The following SLMAP variants were observed in gnomAD, a reference collection of about 807,000 sequenced individuals.
The protein encoded by SLMAP is sarcolemma associated protein.
A neutral mutation model predicts 128.8 loss-of-function variants in SLMAP; 44 were observed. The observed-to-expected ratio is 0.34, with a 90% CI of 0.27 to 0.44. SLMAP has a LOEUF of 0.44. SLMAP is among the 20% of genes least tolerant of loss of function. SLMAP has a pLI of 1.00. For synonymous variants in SLMAP, 327 were observed against 348.8 expected (o/e 0.94, Z 0.70); for missense variants, 787 against 985.3 (o/e 0.80, Z 2.69).
At chr3:57,796,296 T>C (rs2086717940) in intron 2 of SLMAP, among the ~76,000 whole-genome samples, 1 of 152,232 alleles carries the variant, frequency 6.6e-6, no homozygotes, top group Non-Finnish European at 1.5e-5. Context: ...TAAAAGTCCC[T>C]CAGCTGTTTT....
At chr3:57,767,863 G>C (rs377005937) in intron 2 of SLMAP, among the ~76,000 whole-genome samples, 46 of 152,240 alleles carry the variant, frequency 3.0e-4, no homozygotes, top group African/African-American at 1.1e-3. Flanking sequence ...TTGCTCTCTT[G>C]AAAGGTAATC....
chr3:57,851,972 G>A (rs993659300), intron 6 of SLMAP, among the ~76,000 whole-genome samples: 5 of 151,906 alleles, frequency 3.3e-5, no homozygotes, highest in South Asian at 2.1e-4. Flanking sequence ...GTGCGGTGGC[G>A]TGATCTTGGC....
At chr3:57,795,398 G>T (rs1041173019) in intron 2 of SLMAP, among the ~76,000 whole-genome samples, 3 of 152,118 alleles carry the variant, frequency 2.0e-5, no homozygotes, top group Admixed American at 2.0e-4. Flanking sequence ...GATTAACTGG[G>T]CATGGTGGCG....
chr3:57,890,582 G>A (rs1047611262), intron 15 of SLMAP: 1 of 152,672 alleles, frequency 6.5e-6, no homozygotes, highest in African/African-American at 2.4e-5. Context: ...AATGACTTTT[G>A]TGAATGTAGA....
At chr3:57,915,631 T>C (rs1054989021) in intron 21 of SLMAP, among the ~76,000 whole-genome samples, 2 of 152,122 alleles carry the variant, frequency 1.3e-5, no homozygotes, top group Non-Finnish European at 2.9e-5. Flanking sequence ...CCATAGTGAG[T>C]CTGAGTCTTG....
At chr3:57,923,152 A>G in intron 23 of SLMAP, 129 bp downstream of exon 23, 1 of 861,624 alleles carries the variant, frequency 1.2e-6, no homozygotes, top group Non-Finnish European at 1.8e-6. Context: ...TCATTATGAA[A>G]TTCCATGATA....
intron 2 of SLMAP, among the ~76,000 whole-genome samples, chr3:57,774,780 T>A (rs1190491334): frequency 6.6e-6 from 1 of 152,012 alleles, no homozygotes; most frequent in Non-Finnish European, 1.5e-5. Flanking sequence ...CGCCTCAGCC[T>A]CCCAAAATGC....
At chr3:57,916,883 A>T in intron 21 of SLMAP, 23 bp from the exon 22 acceptor site, 1 of 1,599,944 alleles carries the variant, frequency 6.3e-7, no homozygotes, top group East Asian at 2.2e-5. Context: ...GTGAATAACT[A>T]TCTGTCAATA....
At chr3:57,764,492 A>T (rs1321760764) in intron 2 of SLMAP, among the ~76,000 whole-genome samples, 6 of 148,142 alleles carry the variant, frequency 4.1e-5, no homozygotes, top group Non-Finnish European at 1.5e-5. Context: ...ACAGAGGGAG[A>T]CTGCATCTCA....
At chr3:57,822,711 A>C (rs2092621272) in intron 2 of SLMAP, among the ~76,000 whole-genome samples, 1 of 152,090 alleles carries the variant, frequency 6.6e-6, no homozygotes, top group Admixed American at 6.5e-5. Flanking sequence ...GGGATTGTGT[A>C]TTATGATTGC....
chr3:57,879,257 CAAG>C (rs1328736797), intron 14 of SLMAP, among the ~76,000 whole-genome samples: 1 of 152,268 alleles, frequency 6.6e-6, no homozygotes, highest in South Asian at 2.1e-4. Context: ...TTCTGTCAAT[CAAG>C]AAGTAAATTT....
At chr3:57,779,663 G>A (rs893759635) in intron 2 of SLMAP, among the ~76,000 whole-genome samples, 1 of 152,096 alleles carries the variant, frequency 6.6e-6, no homozygotes, top group Non-Finnish European at 1.5e-5. Context: ...TATATTACAT[G>A]TTGCAAGATG....
intron 22 of SLMAP, chr3:57,917,320 C>A: frequency 2.1e-6 from 2 of 939,338 alleles, no homozygotes; most frequent in Non-Finnish European, 1.5e-6. Flanking sequence ...TTTTTCTCTA[C>A]CAGTTACTTA....
chr3:57,900,689 C>T (rs1446602633), intron 17 of SLMAP: 1 of 153,020 alleles, frequency 6.5e-6, no homozygotes, highest in Admixed American at 6.5e-5. Flanking sequence ...TGCCTATAGT[C>T]TCAGCCACTC....
At chr3:57,792,282 ATAAG>A (rs2085652678) in intron 2 of SLMAP, among the ~76,000 whole-genome samples, 1 of 152,024 alleles carries the variant, frequency 6.6e-6, no homozygotes, top group Non-Finnish European at 1.5e-5. Flanking sequence ...AAGTAAACTT[ATAAG>A]TAAATTAGCT....
At chr3:57,924,609 T>C (rs2096970137) in intron 23 of SLMAP, among the ~76,000 whole-genome samples, 2 of 152,084 alleles carry the variant, frequency 1.3e-5, no homozygotes, top group Non-Finnish European at 1.5e-5. Context: ...TCAGGTGATC[T>C]GCCTGCCTTG....
In SLMAP at chr3:57,927,337, A is replaced by G. The variant is rs774039306; in HGVS notation, c.*48A>G. On this transcript the variant is annotated 3_prime_UTR_variant, in exon 25 of 25. Transcript: ENST00000671191. ...TGCCCATGTTGGCTGCCCTGGTTGCAGTAACAGCCATCGTGCTGTACGTGC... is the reference window on the plus strand; with the variant it reads ...TGCCCATGTTGGCTGCCCTGGTTGCGGTAACAGCCATCGTGCTGTACGTGC... 1.2e-6 allele frequency: 2 copies of G among 1,608,116 alleles called. No homozygotes were observed. Among genetic ancestry groups the G allele is most frequent in the Non-Finnish European group, 1.7e-6 (2 of 1,176,046 alleles).
rs543338432 is a variant in SLMAP, at chr3:57,885,071, AT to A, written c.1301-4952del. 5.6e-3 allele frequency among the ~76,000 whole-genome samples: 802 copies of A among 142,044 alleles called. 5 individuals carry two copies. The highest frequency in any genetic ancestry group is 0.012 in the African/African-American group (451 of 38,824). The allele number at this position is 142,044 out of a possible 152,430, so 93.2% of individuals were successfully genotyped here. ...AATAGGAAAAAGGTAAGAAGCAGAA[AT>A]TTTTTTTTTTTTTTTTTGAAACGGA... On this transcript the variant is annotated intron_variant, in intron 14 of 24. Coordinates refer to ENST00000671191, the MANE Select transcript of SLMAP (RefSeq NM_001377540.1).
chr3:57,758,389 G>T (rs1197603068), intron 2 of SLMAP, among the ~76,000 whole-genome samples: 1 of 152,170 alleles, frequency 6.6e-6, no homozygotes, highest in East Asian at 1.9e-4. Flanking sequence ...GGAGTAATTT[G>T]CAATAATCAA....
Sources: allele counts gnomAD v4.1 joint callset (sites outside exome capture counted in the v4.1 genomes callset), GRCh38; gene constraint gnomAD v4.1.1; transcripts MANE v1.5; gene names NCBI Gene and HGNC (gene_info 2026-07-23, HGNC 2026-07-21).